Variants in DNAAF10 observed in about 807,000 individuals in gnomAD.
DNAAF10 encodes the protein dynein axonemal assembly factor 10, also known as WD repeat domain 92.
DNAAF10 carries 28 observed loss-of-function variants against 43.7 expected under a neutral mutation model. The observed-to-expected ratio is 0.64, with a 90% CI of 0.48 to 0.88. DNAAF10 has a LOEUF of 0.88. Among genes scored for constraint, DNAAF10 ranks in the 40% least tolerant of loss-of-function variants. DNAAF10 has a pLI of 0.00. For synonymous variants in DNAAF10, 156 were observed against 157.3 expected (o/e 0.99, Z 0.06); for missense variants, 403 against 439.1 (o/e 0.92, Z 0.73).
chr2:68,143,800 T>C (rs1673248415), intron 3 of DNAAF10, among the ~76,000 whole-genome samples: 1 of 152,130 alleles, frequency 6.6e-6, no homozygotes, highest in Admixed American at 6.5e-5. Context: ...AATCTAATGG[T>C]TGTGGTAGTG....
intron 1 of DNAAF10, among the ~76,000 whole-genome samples, chr2:68,156,101 CAAAAAAAAA>C (rs10606309): frequency 1.4e-4 from 8 of 58,586 alleles, no homozygotes; most frequent in African/African-American, 4.7e-4. Flanking sequence ...GACCCTGTCT[CAAAAAAAAA>C]AAAAAAAAAA....
intron 3 of DNAAF10, among the ~76,000 whole-genome samples, chr2:68,142,460 T>C (rs1272077653): frequency 6.6e-6 from 1 of 152,144 alleles, no homozygotes; most frequent in Non-Finnish European, 1.5e-5. Flanking sequence ...GGTATTGCCA[T>C]GTTGGCCAGG....
intron 1 of DNAAF10, among the ~76,000 whole-genome samples, chr2:68,151,148 A>G (rs72892428): frequency 6.6e-6 from 1 of 152,238 alleles, no homozygotes; most frequent in African/African-American, 2.4e-5. Flanking sequence ...GACTCACAAG[A>G]GTGGCATGAA....
chr2:68,142,816 A>G (rs1158034578), intron 3 of DNAAF10, among the ~76,000 whole-genome samples: 3 of 152,176 alleles, frequency 2.0e-5, no homozygotes, highest in Non-Finnish European at 2.9e-5. Context: ...CAACTCAGGA[A>G]AGGTGGAGGT....
At chr2:68,149,139 TA>T (rs1187016600) in intron 1 of DNAAF10, among the ~76,000 whole-genome samples, 1 of 152,236 alleles carries the variant, frequency 6.6e-6, no homozygotes, top group East Asian at 1.9e-4. Flanking sequence ...ATATAGGGTA[TA>T]TTATCCATAT....
chr2:68,152,015 A>G (rs17589929), intron 1 of DNAAF10, among the ~76,000 whole-genome samples: 62,240 of 152,036 alleles, frequency 0.41, 13,063 homozygotes, highest in South Asian at 0.61. Flanking sequence ...TAAATCAATT[A>G]AATAAACATT....
chr2:68,146,953 A>G (rs888109428), intron 2 of DNAAF10, among the ~76,000 whole-genome samples: 5 of 152,206 alleles, frequency 3.3e-5, no homozygotes, highest in African/African-American at 1.2e-4. Flanking sequence ...TAAAACACGA[A>G]AAAGGCATTT....
rs765558988 is a variant in DNAAF10 at position 68,129,847 on chromosome 2, G to A, written c.*1391C>T. ...CTTTATTACTACTGTTAAGGTAACA[G>A]AATCAAAGCTTCTGTAGATCTCAAA... On this transcript the variant is annotated 3_prime_UTR_variant, in exon 8 of 8. Coordinates refer to ENST00000295121, the MANE Select transcript of DNAAF10 (RefSeq NM_138458.4). 13 of 151,968 alleles carry A rather than the reference G, an allele frequency of 8.6e-5. No homozygotes were observed. Among genetic ancestry groups the A allele is most frequent in the Non-Finnish European group, 1.8e-4 (12 of 67,968 alleles). The allele number at this position is 151,968 out of a possible 1,614,324, so 9.4% of individuals were successfully genotyped here.
intron 1 of DNAAF10, among the ~76,000 whole-genome samples, chr2:68,151,482 C>A (rs1213557958): frequency 6.6e-6 from 1 of 152,234 alleles, no homozygotes; most frequent in Non-Finnish European, 1.5e-5. Context: ...GTTTAATCAT[C>A]CATTATACTT....
chr2:68,141,554 AACC>A, intron 4 of DNAAF10, 137 bp downstream of exon 4: 1 of 715,932 alleles, frequency 1.4e-6, no homozygotes, highest in Non-Finnish European at 2.2e-6. Context: ...GGCTGACATT[AACC>A]ACCACGTGTA....
chr2:68,141,790 C>T lies in DNAAF10; in HGVS notation c.421G>A (p.Val141Met), dbSNP rs755467316. The T allele has an allele frequency of 1.9e-6, 3 of 1,613,914 alleles. No homozygotes were observed. Among genetic ancestry groups the T allele is most frequent in the East Asian group, 2.2e-5 (1 of 44,896 alleles). ...TTTTGCCTTGGGTCCCACACCTTCA[C>T]AGTTCCTGCCATGCATAAAAGTGAG... Reference protein sequence around the residue: ...EIVTGSRDGTVKVWDPRQKDD... With the variant: ...EIVTGSRDGTMKVWDPRQKDD... The change falls in exon 4 of 8, where the codon GTG (valine) becomes ATG (methionine). Residue 141 changes from valine to methionine, a missense_variant. Val to Met is a conservative substitution (Grantham distance 21). Transcript: ENST00000295121.
chr2:68,137,672 G>A (rs1463644519), intron 5 of DNAAF10, among the ~76,000 whole-genome samples: 1 of 147,724 alleles, frequency 6.8e-6, no homozygotes, highest in Non-Finnish European at 1.5e-5. Flanking sequence ...ATCAAGACCA[G>A]CCTGACCTAC....
In DNAAF10 at chr2:68,138,754, G is replaced by A. The variant is rs1442112321; in HGVS notation, c.621C>T (p.Asn207=). 3 of 1,612,532 alleles carry A rather than the reference G, an allele frequency of 1.9e-6. No homozygotes were observed. Among genetic ancestry groups the A allele is most frequent in the Non-Finnish European group, 1.7e-6 (2 of 1,178,900 alleles). ...GAATGTACTTTACCCCATTTTTGATGTTTGTCTCCCACCGTAATGCCATAT... is the reference window on the plus strand; with the variant it reads ...GAATGTACTTTACCCCATTTTTGATATTTGTCTCCCACCGTAATGCCATAT... ...LRNMALRWET[N]IKNGVCSLEF... Residue 207 remains asparagine (N), a synonymous_variant, in exon 5 of 8, where the codon AAC becomes AAT. Coordinates refer to ENST00000295121, the MANE Select transcript of DNAAF10 (RefSeq NM_138458.4).
chr2:68,134,656 A>G (rs957319114), intron 7 of DNAAF10, 46 bp downstream of exon 7: 12 of 1,589,982 alleles, frequency 7.5e-6, no homozygotes, highest in Non-Finnish European at 1.0e-5. Flanking sequence ...CCTACTTTAC[A>G]CCCACAGGTA....
chr2:68,147,344 T>G lies in DNAAF10; in HGVS notation c.284+123A>C, dbSNP rs113835772. 40 of 676,398 alleles carry G rather than the reference T, an allele frequency of 5.9e-5. No individual in the cohort carries two copies. In the Middle Eastern group the frequency reaches 1.6e-3, roughly 26 times the overall value. The allele number at this position is 676,398 out of a possible 1,614,324, so 41.9% of individuals were successfully genotyped here. A position where few individuals can be genotyped will look rare whatever the true frequency, so the allele number is the denominator to read the frequency against. ...ATATTAGAGACAATTCTCATATTTT[T>G]ATAGTTAAAATGGAACATAGAAAGA... On this transcript the variant is annotated intron_variant, in intron 2 of 7. Coordinates refer to ENST00000295121, the MANE Select transcript of DNAAF10 (RefSeq NM_138458.4).
chr2:68,134,841 T>C (rs187342408), intron 6 of DNAAF10, 42 bp from the exon 7 acceptor site: 109 of 1,607,118 alleles, frequency 6.8e-5, no homozygotes, highest in Admixed American at 2.2e-4. Flanking sequence ...ATATGCTAAA[T>C]GGTGCCCTGG....
intron 1 of DNAAF10, among the ~76,000 whole-genome samples, chr2:68,152,595 T>A (rs1249811693): frequency 6.6e-6 from 1 of 151,896 alleles, no homozygotes; most frequent in Non-Finnish European, 1.5e-5. Flanking sequence ...TGGTGGTAAA[T>A]CAAAATTTTT....
chr2:68,136,891 C>T (rs963045317), intron 6 of DNAAF10, among the ~76,000 whole-genome samples: 1 of 152,036 alleles, frequency 6.6e-6, no homozygotes, highest in African/African-American at 2.4e-5. Flanking sequence ...TTTAATATAG[C>T]AAACTGGAAT....
At chr2:68,153,933 T>C (rs1673522334) in intron 1 of DNAAF10, among the ~76,000 whole-genome samples, 1 of 151,802 alleles carries the variant, frequency 6.6e-6, no homozygotes, top group South Asian at 2.1e-4. Context: ...TTTGTATTTT[T>C]TAGTAGAGAT....
Sources: gnomAD v4.1 joint callset for allele counts (sites outside exome capture counted in the v4.1 genomes callset) on GRCh38, gnomAD v4.1.1 for gene constraint, MANE v1.5 for transcripts, NCBI Gene and HGNC (gene_info 2026-07-23, HGNC 2026-07-21) for gene names.